The following TTLL7 variants were observed in gnomAD, a reference collection of about 807,000 sequenced individuals.
The protein encoded by TTLL7 is tubulin polyglutamylase TTLL7.
In TTLL7, 53 loss-of-function variants were observed where a neutral mutation model predicts 120.2. The ratio of observed to expected loss-of-function variants is 0.44; its 90% CI spans 0.35 to 0.55. The LOEUF is 0.55. Ranked by LOEUF, TTLL7 falls within the 20% of genes least tolerant of loss-of-function variation. The probability of loss-of-function intolerance (pLI) is 0.00; values close to 1 mark genes in which losing one functional copy is unlikely to be tolerated. For synonymous variants in TTLL7, 353 were observed against 351.7 expected (o/e 1.00, Z -0.04); for missense variants, 803 against 1,054.7 (o/e 0.76, Z 3.31).
At chr1:83,966,440 A>G (rs1463975053) in intron 1 of TTLL7, among the ~76,000 whole-genome samples, 1 of 151,972 alleles carries the variant, frequency 6.6e-6, no homozygotes, top group Non-Finnish European at 1.5e-5. Context: ...AACCCCGACT[A>G]ATACATTCAT....
chr1:83,933,962 CAAGT>C (rs1469029429), intron 8 of TTLL7, among the ~76,000 whole-genome samples, 196 bp from the exon 9 acceptor site: 1 of 152,168 alleles, frequency 6.6e-6, no homozygotes, highest in Non-Finnish European at 1.5e-5. Flanking sequence ...TTGGGTTCCT[CAAGT>C]AAGTGACACT....
At chr1:83,874,623 C>A (rs1293568467) in intron 20 of TTLL7, among the ~76,000 whole-genome samples, 1 of 151,996 alleles carries the variant, frequency 6.6e-6, no homozygotes, top group African/African-American at 2.4e-5. Flanking sequence ...TCTCCACATC[C>A]ACATCCTTGC....
intron 15 of TTLL7, 39 bp downstream of exon 15, chr1:83,911,125 AT>A: frequency 6.6e-7 from 1 of 1,521,456 alleles, no homozygotes; most frequent in Non-Finnish European, 9.1e-7. Flanking sequence ...CAGTTCCATA[AT>A]TCTTTATATA....
intron 1 of TTLL7, among the ~76,000 whole-genome samples, chr1:83,955,589 T>C (rs1340606072): frequency 6.6e-6 from 1 of 152,196 alleles, no homozygotes; most frequent in Non-Finnish European, 1.5e-5. Context: ...TCAATAAACC[T>C]GCCACCACCT....
intron 1 of TTLL7, among the ~76,000 whole-genome samples, chr1:83,983,002 G>A (rs900591881): frequency 4.0e-5 from 6 of 151,854 alleles, no homozygotes; most frequent in Non-Finnish European, 7.4e-5. Flanking sequence ...GCCGCATAGC[G>A]ACACCTCTCT....
intron 20 of TTLL7, among the ~76,000 whole-genome samples, chr1:83,875,045 G>C (rs991035166): frequency 6.6e-6 from 1 of 151,532 alleles, no homozygotes; most frequent in Admixed American, 6.6e-5. Flanking sequence ...ATTTTAAAAA[G>C]TACATAAAAC....
At chr1:83,973,723 G>A (rs1571354041) in intron 1 of TTLL7, among the ~76,000 whole-genome samples, 2 of 152,100 alleles carry the variant, frequency 1.3e-5, no homozygotes, top group Admixed American at 6.6e-5. Context: ...CATTTATTTA[G>A]TTCTTTGATT....
intron 18 of TTLL7, among the ~76,000 whole-genome samples, chr1:83,892,911 GAAA>G (rs779305877): frequency 2.4e-5 from 1 of 40,932 alleles, no homozygotes; most frequent in African/African-American, 1.5e-4. Context: ...GAAGGAAAAA[GAAA>G]AAAGAAAGAA....
intron 3 of TTLL7, among the ~76,000 whole-genome samples, chr1:83,951,593 C>G (rs966445948): frequency 6.6e-6 from 1 of 152,048 alleles, no homozygotes; most frequent in African/African-American, 2.4e-5. Flanking sequence ...TCCCTTTTTT[C>G]AGCTAAGCTG....
chr1:83,907,263 T>C (rs1455576743), intron 16 of TTLL7, among the ~76,000 whole-genome samples, 193 bp downstream of exon 16: 1 of 152,068 alleles, frequency 6.6e-6, no homozygotes, highest in African/African-American at 2.4e-5. Flanking sequence ...AGTTCTGTGA[T>C]AGAGTGAAGT....
intron 13 of TTLL7, 57 bp downstream of exon 13, chr1:83,919,641 TA>T: frequency 6.8e-7 from 1 of 1,476,430 alleles, no homozygotes; most frequent in Non-Finnish European, 9.1e-7. Context: ...GGCTTGTCTG[TA>T]AAGACATATT....
chr1:83,943,486 G>A (rs1163810071), intron 6 of TTLL7, among the ~76,000 whole-genome samples: 3 of 152,118 alleles, frequency 2.0e-5, no homozygotes, highest in South Asian at 2.1e-4. Context: ...CAACAATCAT[G>A]CACACACAGC....
chr1:83,988,606 T>C (rs950357612), intron 1 of TTLL7, among the ~76,000 whole-genome samples: 2 of 152,210 alleles, frequency 1.3e-5, no homozygotes, highest in African/African-American at 4.8e-5. Flanking sequence ...TATCTCATTG[T>C]GGTTTTGATT....
intron 1 of TTLL7, among the ~76,000 whole-genome samples, chr1:83,995,764 G>T (rs147369049): frequency 6.6e-6 from 1 of 152,002 alleles, no homozygotes; most frequent in African/African-American, 2.4e-5. Context: ...TCTATGCAAA[G>T]GAACTAATAT....
At chr1:83,958,207 T>C (rs7550412) in intron 1 of TTLL7, among the ~76,000 whole-genome samples, 7,088 of 152,232 alleles carry the variant, frequency 0.047, 222 homozygotes, top group Middle Eastern at 0.1. Context: ...ATTATCCTCA[T>C]TGATAATCGT....
intron 7 of TTLL7, among the ~76,000 whole-genome samples, chr1:83,940,932 T>C (rs1165226469): frequency 2.0e-5 from 3 of 152,152 alleles, no homozygotes. Flanking sequence ...AGACAAGGCC[T>C]ACAAAGCCTT....
intron 1 of TTLL7, among the ~76,000 whole-genome samples, chr1:83,993,943 T>C (rs1281497514): frequency 6.6e-6 from 1 of 152,178 alleles, no homozygotes; most frequent in Non-Finnish European, 1.5e-5. Context: ...CTTTTCTACT[T>C]TAACTTAACT....
chr1:83,928,149 C>CA (rs1659291651), intron 10 of TTLL7, among the ~76,000 whole-genome samples: 1 of 152,068 alleles, frequency 6.6e-6, no homozygotes, highest in Non-Finnish European at 1.5e-5. Flanking sequence ...AAAAGACATG[C>CA]ACACACAACA....
chr1:83,977,961 C>T (rs1016975037), intron 1 of TTLL7, among the ~76,000 whole-genome samples: 19 of 151,862 alleles, frequency 1.3e-4, no homozygotes, highest in Non-Finnish European at 2.2e-4. Flanking sequence ...TAATTATCTC[C>T]GGGTAGCCTA....
Sources: allele counts gnomAD v4.1 joint callset (sites outside exome capture counted in the v4.1 genomes callset), GRCh38; gene constraint gnomAD v4.1.1; transcripts MANE v1.5; gene names NCBI Gene and HGNC (gene_info 2026-07-23, HGNC 2026-07-21).